Variants in EYS observed in about 807,000 individuals in gnomAD.
EYS encodes the protein protein eyes shut homolog.
EYS carries 250 observed loss-of-function variants against 282.1 expected under a neutral mutation model. That is an observed-to-expected ratio of 0.89 (90% CI 0.80 to 0.98). The LOEUF is 0.98. Ranked by LOEUF, EYS falls within the 50% of genes least tolerant of loss-of-function variation. EYS has a pLI of 0.00. For missense variants in EYS, 4,016 were observed against 3,709.0 expected, an observed-to-expected ratio of 1.08 and a Z score of -2.15; for synonymous variants, 1,355 against 1,282.9, an observed-to-expected ratio of 1.06 and a Z score of -1.20.
At chr6:65,613,964 C>T (rs1319308996) in intron 2 of EYS, among the ~76,000 whole-genome samples, 2 of 151,790 alleles carry the variant, frequency 1.3e-5, no homozygotes, top group African/African-American at 2.4e-5. Flanking sequence ...CTTTTGCATA[C>T]TTTTCTTAAA....
At chr6:64,207,174 G>A (rs1156405923) in intron 31 of EYS, among the ~76,000 whole-genome samples, 2 of 152,026 alleles carry the variant, frequency 1.3e-5, no homozygotes, top group Non-Finnish European at 2.9e-5. Context: ...GCCCTCATGA[G>A]TAGATTAATG....
intron 30 of EYS, among the ~76,000 whole-genome samples, chr6:64,257,220 T>C (rs769978995): frequency 6.6e-6 from 1 of 152,028 alleles, no homozygotes; most frequent in Non-Finnish European, 1.5e-5. Flanking sequence ...CCATCTTTAG[T>C]TTTCCCTCCA....
intron 30 of EYS, among the ~76,000 whole-genome samples, chr6:64,282,133 A>C (rs1490733847): frequency 6.6e-6 from 1 of 152,114 alleles, no homozygotes; most frequent in African/African-American, 2.4e-5. Flanking sequence ...AAAACATGGA[A>C]TCATCATATA....
At chr6:64,510,541 A>G (rs1339670339) in intron 26 of EYS, among the ~76,000 whole-genome samples, 7 of 152,186 alleles carry the variant, frequency 4.6e-5, no homozygotes, top group Non-Finnish European at 1.0e-4. Flanking sequence ...TATTAAAAAC[A>G]CAACTATCTC....
chr6:64,683,928 A>T (rs1367299528), intron 22 of EYS, among the ~76,000 whole-genome samples: 4 of 152,102 alleles, frequency 2.6e-5, no homozygotes, highest in Non-Finnish European at 5.9e-5. Context: ...ACCCCATTTC[A>T]CAGTAAGCCC....
chr6:64,897,139 C>A (rs180714231), intron 18 of EYS, among the ~76,000 whole-genome samples: 1 of 152,122 alleles, frequency 6.6e-6, no homozygotes, highest in East Asian at 1.9e-4. Flanking sequence ...GGGTCCAGGG[C>A]TCCCATATCT....
intron 19 of EYS, among the ~76,000 whole-genome samples, chr6:64,831,175 C>A (rs957866816): frequency 2.0e-5 from 3 of 151,936 alleles, no homozygotes; most frequent in African/African-American, 7.2e-5. Context: ...TCTTGGGAAG[C>A]CTAACCTATG....
chr6:64,367,457 A>G (rs1772217411), intron 29 of EYS, among the ~76,000 whole-genome samples: 1 of 152,112 alleles, frequency 6.6e-6, no homozygotes, highest in South Asian at 2.1e-4. Context: ...AACTTATTAA[A>G]GAAAGCTATT....
chr6:63,852,831 T>C (rs1386200746), intron 36 of EYS, among the ~76,000 whole-genome samples: 2 of 152,106 alleles, frequency 1.3e-5, no homozygotes, highest in African/African-American at 4.8e-5. Flanking sequence ...GTTCTACATA[T>C]GCAAATCAAT....
At chr6:63,989,926 T>C (rs1253381513) in intron 34 of EYS, among the ~76,000 whole-genome samples, 1 of 151,544 alleles carries the variant, frequency 6.6e-6, no homozygotes, top group Non-Finnish European at 1.5e-5. Context: ...GAAGTGATTA[T>C]TGATGTTATG....
At chr6:64,592,573 T>C (rs887577641) in intron 25 of EYS, among the ~76,000 whole-genome samples, 14 of 152,176 alleles carry the variant, frequency 9.2e-5, no homozygotes, top group Non-Finnish European at 1.6e-4. Flanking sequence ...CGAAGTGGCA[T>C]TGGCTACATG....
At chr6:65,061,678 A>C (rs1773577661) in intron 12 of EYS, among the ~76,000 whole-genome samples, 1 of 151,998 alleles carries the variant, frequency 6.6e-6, no homozygotes, top group Admixed American at 6.6e-5. Context: ...ATACATTTAA[A>C]TTAGTTTTCC....
chr6:64,740,477 T>C (rs1333060989), intron 22 of EYS, among the ~76,000 whole-genome samples: 1 of 152,136 alleles, frequency 6.6e-6, no homozygotes, highest in Non-Finnish European at 1.5e-5. Flanking sequence ...CCATAACTTT[T>C]AATGCTAATC....
chr6:63,728,004 G>A (rs1361973939), intron 41 of EYS, among the ~76,000 whole-genome samples: 1 of 151,408 alleles, frequency 6.6e-6, no homozygotes, highest in African/African-American at 2.4e-5. Context: ...TGACATAGGG[G>A]TTCCTTGGAC....
chr6:65,336,006 C>A (rs1481108791), intron 10 of EYS, among the ~76,000 whole-genome samples: 2 of 151,634 alleles, frequency 1.3e-5, no homozygotes, highest in Non-Finnish European at 2.9e-5. Context: ...TAACACCTCT[C>A]CCTTTACTCT....
chr6:64,750,418 A>C (rs1282347903), intron 22 of EYS, among the ~76,000 whole-genome samples: 1 of 41,022 alleles, frequency 2.4e-5, no homozygotes, highest in African/African-American at 5.4e-5. Context: ...TAAGAGGGAA[A>C]GTAAAAAAAA....
At chr6:65,606,956 T>G (rs1765821386) in intron 2 of EYS, among the ~76,000 whole-genome samples, 1 of 151,762 alleles carries the variant, frequency 6.6e-6, no homozygotes, top group South Asian at 2.1e-4. Flanking sequence ...TATAATGTCT[T>G]AAGCAGGAGT....
intron 2 of EYS, among the ~76,000 whole-genome samples, chr6:65,612,653 T>C (rs946354478): frequency 2.6e-5 from 4 of 151,756 alleles, no homozygotes; most frequent in Admixed American, 2.0e-4. Flanking sequence ...TTAAAATACA[T>C]TGTGGATATT....
intron 8 of EYS, among the ~76,000 whole-genome samples, chr6:65,368,143 A>C (rs1327963578): frequency 6.6e-6 from 1 of 151,516 alleles, no homozygotes; most frequent in Non-Finnish European, 1.5e-5. Flanking sequence ...ATATTGTGAG[A>C]ACTCACTCAC....
Sources: gnomAD v4.1 joint callset for allele counts (sites outside exome capture counted in the v4.1 genomes callset) on GRCh38, gnomAD v4.1.1 for gene constraint, MANE v1.5 for transcripts, NCBI Gene and HGNC (gene_info 2026-07-23, HGNC 2026-07-21) for gene names.